Variants in RBFOX2 observed in about 807,000 individuals in gnomAD.
The protein encoded by RBFOX2 is RNA binding fox-1 homolog 2, also known as RNA binding protein fox-1 homolog 2.
Under a neutral mutation model 49.1 loss-of-function variants are expected in RBFOX2, and 10 were observed. That is an observed-to-expected ratio of 0.20 (90% confidence interval 0.13 to 0.35). The LOEUF is 0.35. Ranked by LOEUF, RBFOX2 falls within the 10% of genes least tolerant of loss-of-function variation. The probability of loss-of-function intolerance (pLI) is 1.00; values close to 1 mark genes in which losing one functional copy is unlikely to be tolerated. For missense variants in RBFOX2, 323 were observed against 486.9 expected, an observed-to-expected ratio of 0.66 and a Z score of 3.17; for synonymous variants, 183 against 187.4, an observed-to-expected ratio of 0.98 and a Z score of 0.19.
At position 35,840,369 on chromosome 22, in the gene RBFOX2, CTAA is replaced by C. The variant is rs1189072753; in HGVS notation, c.-154_-152del. 22 of 1,537,986 alleles carry C rather than the reference CTAA, an allele frequency of 1.4e-5. No individual in the cohort carries two copies. In the East Asian group the frequency reaches 4.6e-4, roughly 32 times the overall value. ...ATACCGTTTTCCTTCCTTTTTCTTTCTAATGTTTCTTCCTTTCTTTTCTCTTCC... is the reference window on the plus strand; with the variant it reads ...ATACCGTTTTCCTTCCTTTTTCTTTCTGTTTCTTCCTTTCTTTTCTCTTCC... On this transcript the variant is annotated 5_prime_UTR_variant, in exon 1 of 12. Transcript: ENST00000405409.
At chr22:35,834,922 C>T (rs1957383284) in intron 1 of RBFOX2, among the ~76,000 whole-genome samples, 2 of 152,088 alleles carry the variant, frequency 1.3e-5, no homozygotes, top group Admixed American at 6.5e-5. Flanking sequence ...TGGCAATGAC[C>T]TCTAATGAAT....
At chr22:35,822,238 A>G (rs1029427824) in intron 1 of RBFOX2, among the ~76,000 whole-genome samples, 1 of 152,168 alleles carries the variant, frequency 6.6e-6, no homozygotes, top group Non-Finnish European at 1.5e-5. Context: ...AGCATCTCCA[A>G]CTCTATTTGG....
At chr22:35,844,413 G>A (rs1483010561), upstream of RBFOX2, among the ~76,000 whole-genome samples, 1 of 152,128 alleles carries the variant, frequency 6.6e-6, no homozygotes, top group Non-Finnish European at 1.5e-5. Flanking sequence ...AGAATGAAGA[G>A]CACCTATGTA....
intron 1 of RBFOX2, among the ~76,000 whole-genome samples, chr22:35,814,710 CAAAAAAAA>C (rs55971445): frequency 1.7e-3 from 53 of 31,018 alleles, no homozygotes; most frequent in African/African-American, 5.0e-3. Context: ...AACCCTGTCT[CAAAAAAAA>C]AAAAAAAAAA....
chr22:35,795,690 T>G (rs1173776613), intron 2 of RBFOX2, among the ~76,000 whole-genome samples: 4 of 135,228 alleles, frequency 3.0e-5, no homozygotes, highest in South Asian at 2.4e-4. Context: ...GGCTTTCCAG[T>G]GAGGAGGGTT....
At chr22:35,827,551 T>C (rs546940588) in intron 1 of RBFOX2, among the ~76,000 whole-genome samples, 29 of 152,326 alleles carry the variant, frequency 1.9e-4, no homozygotes, top group Middle Eastern at 6.8e-3. Flanking sequence ...TAATGTCTTG[T>C]ATAACGCATA....
intron 1 of RBFOX2, among the ~76,000 whole-genome samples, chr22:35,910,356 CTTAAA>C (rs1361221975): frequency 6.6e-6 from 1 of 152,182 alleles, no homozygotes; most frequent in Non-Finnish European, 1.5e-5. Flanking sequence ...TAACAGGATA[CTTAAA>C]TTAATAGATG....
At chr22:35,788,921 G>T (rs1466412099) in intron 2 of RBFOX2, among the ~76,000 whole-genome samples, 1 of 152,036 alleles carries the variant, frequency 6.6e-6, no homozygotes, top group Admixed American at 6.5e-5. Context: ...CTGTATTATT[G>T]GATCTTCTGG....
intron 2 of RBFOX2, among the ~76,000 whole-genome samples, chr22:35,793,960 C>A (rs1948275317): frequency 6.6e-6 from 1 of 152,212 alleles, no homozygotes; most frequent in East Asian, 1.9e-4. Flanking sequence ...CAGTGTCACG[C>A]TGTGAAACAA....
chr22:36,014,534 G>C (rs969426399), intron 1 of RBFOX2, among the ~76,000 whole-genome samples: 1 of 152,112 alleles, frequency 6.6e-6, no homozygotes, highest in Non-Finnish European at 1.5e-5. Flanking sequence ...TAAGCTCGGG[G>C]ATACCAAAGT....
chr22:35,802,077 G>A (rs1433431143), intron 2 of RBFOX2, among the ~76,000 whole-genome samples: 2 of 151,996 alleles, frequency 1.3e-5, no homozygotes, highest in Non-Finnish European at 2.9e-5. Context: ...AAAATTTCAT[G>A]GTGAACAGTT....
chr22:35,839,972 T>C (rs1351937642), intron 1 of RBFOX2, among the ~76,000 whole-genome samples: 2 of 152,118 alleles, frequency 1.3e-5, no homozygotes, highest in East Asian at 3.9e-4. Flanking sequence ...GAAACAGGAA[T>C]CTGCTATGGA....
intron 1 of RBFOX2, among the ~76,000 whole-genome samples, chr22:35,953,831 T>C (rs1481826145): frequency 1.3e-5 from 2 of 152,208 alleles, no homozygotes; most frequent in South Asian, 2.1e-4. Flanking sequence ...ATATATACTC[T>C]GGAAAACTGA....
intron 1 of RBFOX2, among the ~76,000 whole-genome samples, chr22:35,833,045 A>C (rs1957077312): frequency 4.6e-5 from 7 of 152,234 alleles, no homozygotes; most frequent in Admixed American, 4.6e-4. Flanking sequence ...AAAATATCAT[A>C]TGTACCCCAT....
chr22:35,895,077 C>CCTCTCT (rs967980077), intron 1 of RBFOX2, among the ~76,000 whole-genome samples: 10 of 150,214 alleles, frequency 6.7e-5, no homozygotes, highest in African/African-American at 2.4e-4. Flanking sequence ...TCCGTCCCTC[C>CCTCTCT]CTCTCTCTCT....
intron 1 of RBFOX2, among the ~76,000 whole-genome samples, chr22:35,918,042 G>A (rs1157915260): frequency 6.6e-6 from 1 of 152,208 alleles, no homozygotes; most frequent in Admixed American, 6.5e-5. Context: ...TAAAACGGGG[G>A]TGATATGATT....
intron 1 of RBFOX2, among the ~76,000 whole-genome samples, chr22:35,872,610 G>A (rs544450887): frequency 4.6e-5 from 7 of 152,254 alleles, no homozygotes; most frequent in Non-Finnish European, 7.4e-5. Context: ...GCTCTCCTCC[G>A]ACTGCCCCAG....
chr22:35,985,880 C>CTAGATAGA (rs200877863), intron 1 of RBFOX2, among the ~76,000 whole-genome samples: 2 of 146,744 alleles, frequency 1.4e-5, no homozygotes, highest in African/African-American at 5.1e-5. Context: ...GACTCCATCT[C>CTAGATAGA]TAGATAGATA....
At position 35,781,558 on chromosome 22, in the gene RBFOX2, T is replaced by G. The variant is rs773632731; in HGVS notation, c.399+42A>C. 5 of 1,592,876 alleles carry G rather than the reference T, an allele frequency of 3.1e-6. No homozygotes were observed. In the Admixed American group the frequency reaches 8.9e-5, roughly 28 times the overall value. ...ATAACACATCTGGGGGATTAAAATC[T>G]ACTTTAATTGTAAAATCCATAAAAA... is the stretch of plus-strand genomic sequence containing the variant. On this transcript the variant is annotated intron_variant, in intron 3 of 11. Transcript: ENST00000405409.
Sources: gnomAD v4.1 joint callset for allele counts (sites outside exome capture counted in the v4.1 genomes callset) on GRCh38, gnomAD v4.1.1 for gene constraint, MANE v1.5 for transcripts, NCBI Gene and HGNC (gene_info 2026-07-23, HGNC 2026-07-21) for gene names.